The following CFAP54 variants were observed in gnomAD, a reference collection of about 807,000 sequenced individuals.
The protein encoded by CFAP54 is cilia and flagella associated protein 54, also known as cilia- and flagella-associated protein 54.
CFAP54 carries 290 observed loss-of-function variants against 370.4 expected under a neutral mutation model. The observed-to-expected ratio is 0.78, with a 90% CI of 0.71 to 0.86. The LOEUF (loss-of-function observed/expected upper bound fraction) is 0.86. Ranked by LOEUF, CFAP54 falls within the 40% of genes least tolerant of loss-of-function variation. CFAP54 has a pLI of 0.00. For synonymous variants in CFAP54, 1,206 were observed against 1,236.5 expected, an observed-to-expected ratio of 0.98 and a Z score of 0.52; for missense variants, 3,399 against 3,528.7, an observed-to-expected ratio of 0.96 and a Z score of 0.93.
At chr12:96,704,279 T>G (rs908131321) in intron 46 of CFAP54, among the ~76,000 whole-genome samples, 3 of 151,076 alleles carry the variant, frequency 2.0e-5, no homozygotes, top group African/African-American at 7.3e-5. Context: ...TACAAAAATT[T>G]AGCTGGACGT....
At chr12:96,582,029 A>C (rs1314838020) in intron 22 of CFAP54, among the ~76,000 whole-genome samples, 2 of 152,150 alleles carry the variant, frequency 1.3e-5, no homozygotes, top group Non-Finnish European at 2.9e-5. Flanking sequence ...CTTCTGGATC[A>C]GTAGAGGCAG....
chr12:96,765,141 T>C lies in CFAP54; in HGVS notation c.8204T>C (p.Val2735Ala). 1 of 1,544,576 alleles carries C rather than the reference T, an allele frequency of 6.5e-7. No homozygotes were observed. The highest frequency in any genetic ancestry group is 1.3e-5 in the South Asian group (1 of 78,982). ...AAGAAGAATACTAGAATGCATAAAGTTAACCAAGTGGCATTACCAAATATC... is the reference window on the plus strand; with the variant it reads ...AAGAAGAATACTAGAATGCATAAAGCTAACCAAGTGGCATTACCAAATATC... ...IGKKNTRMHK[V>A]NQVALPNIPE... is the part of the protein sequence containing the mutation. Residue 2735 changes from valine to alanine, a missense_variant, in exon 60 of 68, where the codon GTT becomes GCT. Around this residue, in one of 3 missense-constraint regions of CFAP54, gnomAD observed 2,796 missense variants for 2,869.7 expected, o/e 0.97. Transcript: ENST00000524981.
rs552165145 is a variant in CFAP54 at position 96,717,907 on chromosome 12, G to T, written c.6725-536G>T. Among the ~76,000 whole-genome samples the T allele has an allele frequency of 4.1e-4, 62 of 152,320 alleles. 1 individual carries two copies. In the South Asian group the frequency reaches 0.013, roughly 31 times the overall value. ...TTCTTTCAGAATTGTCTGATTTGTTGTAAGAATCAGCTTCAGCCTTCTAAT... is the reference window on the plus strand; with the variant it reads ...TTCTTTCAGAATTGTCTGATTTGTTTTAAGAATCAGCTTCAGCCTTCTAAT... On this transcript the variant is annotated intron_variant, in intron 48 of 67. Coordinates refer to ENST00000524981, the MANE Select transcript of CFAP54 (RefSeq NM_001306084.2).
chr12:96,738,440 C>T (rs1012930233), intron 50 of CFAP54, among the ~76,000 whole-genome samples: 11 of 152,104 alleles, frequency 7.2e-5, no homozygotes, highest in African/African-American at 4.8e-5. Context: ...CACACTTGTT[C>T]TAATGGCTCT....
chr12:96,543,162 C>G (rs11108573), intron 14 of CFAP54, among the ~76,000 whole-genome samples: 15,236 of 152,218 alleles, frequency 0.1, 1,246 homozygotes, highest in East Asian at 0.45. Context: ...CCTAGTTATC[C>G]CACTTTTTGG....
intron 50 of CFAP54, among the ~76,000 whole-genome samples, chr12:96,724,102 T>C (rs1356798871): frequency 6.6e-6 from 1 of 151,572 alleles, no homozygotes. Flanking sequence ...TGGTTCCAAG[T>C]CTTTGCTATT....
intron 50 of CFAP54, among the ~76,000 whole-genome samples, chr12:96,735,240 T>G (rs895146314): frequency 1.3e-5 from 2 of 152,108 alleles, no homozygotes; most frequent in Admixed American, 6.5e-5. Flanking sequence ...TTGCAAGAAA[T>G]GGGAAAACTT....
At chr12:96,779,129 A>C (rs1592756832) in intron 60 of CFAP54, among the ~76,000 whole-genome samples, 2 of 147,794 alleles carry the variant, frequency 1.4e-5, no homozygotes, top group African/African-American at 2.5e-5. Context: ...AAAAAAACCC[A>C]CAAATTATGA....
At position 96,743,115 on chromosome 12, in the gene CFAP54, T is replaced by C. The variant is rs116380823; in HGVS notation, c.7220-287T>C. Among the ~76,000 whole-genome samples, 767 of 152,330 alleles carry C rather than the reference T, an allele frequency of 5.0e-3. 6 individuals are homozygous for C. The highest frequency in any genetic ancestry group is 0.018 in the African/African-American group (728 of 41,580). ...GTTAGTTCTTGCAGTGATTAATCAT[T>C]ATCTATTTGTATACCTATCTATTCA... is the stretch of plus-strand genomic sequence containing the variant. On this transcript the variant is annotated intron_variant, in intron 52 of 67. Coordinates refer to ENST00000524981, the MANE Select transcript of CFAP54 (RefSeq NM_001306084.2).
intron 33 of CFAP54, chr12:96,646,074 G>T (rs1045710894): frequency 3.2e-4 from 48 of 152,038 alleles, no homozygotes; most frequent in Admixed American, 8.5e-4. Flanking sequence ...CAAAAGCAAT[G>T]GCAAGAAAAG....
chr12:96,681,925 C>G, intron 40 of CFAP54, among the ~76,000 whole-genome samples: 1 of 151,982 alleles, frequency 6.6e-6, no homozygotes, highest in Non-Finnish European at 1.5e-5. Flanking sequence ...GATGAGATAA[C>G]GCAGACATGG....
At chr12:96,829,223 T>A (rs568387793) in intron 66 of CFAP54, 135 bp downstream of exon 66, 1 of 486,276 alleles carries the variant, frequency 2.1e-6, no homozygotes, top group African/African-American at 1.9e-5. Flanking sequence ...GTGATAAACA[T>A]GAGTTTACAA....
intron 14 of CFAP54, among the ~76,000 whole-genome samples, chr12:96,544,467 C>T (rs1955616277): frequency 7.0e-6 from 1 of 142,050 alleles, no homozygotes; most frequent in African/African-American, 2.6e-5. Flanking sequence ...CCTCCTTTCT[C>T]CTGCTCCTTT....
chr12:96,664,771 C>CTATATATATATATATATA (rs1326435212), intron 39 of CFAP54, among the ~76,000 whole-genome samples: 1 of 69,146 alleles, frequency 1.4e-5, no homozygotes. Flanking sequence ...ATATCTATAT[C>CTATATATATATATATATA]TATATCTATA....
At chr12:96,807,958 A>G (rs185992914) in intron 63 of CFAP54, among the ~76,000 whole-genome samples, 36 of 152,310 alleles carry the variant, frequency 2.4e-4, no homozygotes, top group African/African-American at 8.2e-4. Context: ...AGAGGCATGA[A>G]TGTTGACTTG....
chr12:96,531,780 A>C (rs535079149), intron 9 of CFAP54, among the ~76,000 whole-genome samples: 1 of 152,288 alleles, frequency 6.6e-6, no homozygotes, highest in African/African-American at 2.4e-5. Flanking sequence ...GCTGGAGTGC[A>C]GTGGCACGAT....
rs1273007888 is a variant in CFAP54, at chr12:96,534,203, T to A, written c.1681T>A (p.Tyr561Asn). 1 of 1,465,406 alleles carries A rather than the reference T, an allele frequency of 6.8e-7. No individual in the cohort carries two copies. The highest frequency in any genetic ancestry group is 1.4e-5 in the African/African-American group (1 of 70,324). 90.8% of individuals were successfully genotyped at this position (1,465,406 alleles called of 1,614,324 possible). A position where few individuals can be genotyped will look rare whatever the true frequency, so the allele number is the denominator to read the frequency against. ...TAAAGAAGGACAGTCAACTCAAATT[T>A]ATTTAAAAAAAATTGCTGTTCATGG... ...NYKEGQSTQI[Y>N]LKKIAVHDTC... The change falls in exon 11 of 68, where the codon TAT becomes AAT. Residue 561 changes from tyrosine to asparagine, a missense_variant. Coordinates refer to ENST00000524981, the MANE Select transcript of CFAP54 (RefSeq NM_001306084.2).
chr12:96,820,359 T>C (rs576685538), intron 65 of CFAP54, among the ~76,000 whole-genome samples: 4 of 152,310 alleles, frequency 2.6e-5, no homozygotes, highest in African/African-American at 7.2e-5. Flanking sequence ...TATGTGAAAG[T>C]GTAAAAGTCA....
intron 60 of CFAP54, among the ~76,000 whole-genome samples, chr12:96,771,618 C>A (rs546490567): frequency 3.9e-5 from 6 of 152,288 alleles, no homozygotes; most frequent in South Asian, 4.1e-4. Context: ...CGCCACTGCA[C>A]TCCGGCCTGG....
Sources: gnomAD v4.1 joint callset for allele counts (sites outside exome capture counted in the v4.1 genomes callset) on GRCh38, gnomAD v4.1.1 for gene constraint, gnomAD v4.1.1 regional missense constraint, MANE v1.5 for transcripts, NCBI Gene and HGNC (gene_info 2026-07-23, HGNC 2026-07-21) for gene names.